Variants in CSNK1A1 observed in about 807,000 individuals in gnomAD.
The protein encoded by CSNK1A1 is casein kinase I isoform alpha.
Under a neutral mutation model 46.1 loss-of-function variants are expected in CSNK1A1, and 7 were observed. The ratio of observed to expected loss-of-function variants is 0.15; its 90% CI spans 0.09 to 0.29. The LOEUF is 0.29. Among genes scored for constraint, CSNK1A1 ranks in the 10% least tolerant of loss-of-function variants. The pLI is 1.00. For missense variants in CSNK1A1, 96 were observed against 417.1 expected (o/e 0.23, Z 6.71); for synonymous variants, 137 against 141.5 (o/e 0.97, Z 0.23).
chr5:149,545,543 G>T (rs1006774834), intron 2 of CSNK1A1: 1 of 670,128 alleles, frequency 1.5e-6, no homozygotes, highest in African/African-American at 1.8e-5. Context: ...CCAAGCTTGG[G>T]GTGGACAATG....
At chr5:149,501,760 GAACTT>G (rs1248854224) in intron 9 of CSNK1A1, 2 of 984,866 alleles carry the variant, frequency 2.0e-6, no homozygotes, top group East Asian at 1.1e-4. Context: ...AAGAAACACT[GAACTT>G]CATTAGATTT....
rs867813590 is a variant in CSNK1A1, at chr5:149,542,597, T to C, written c.230+7478A>G. The stretch of plus-strand genomic sequence containing the variant: ...CTCCGAAATGAGATACAAATTTATA[T>C]ATATATATATATATATATATATATA... On this transcript the variant is annotated intron_variant, in intron 2 of 9. Transcript: ENST00000377843. Among the ~76,000 whole-genome samples the C allele has an allele frequency of 3.7e-3, 12 of 3,248 alleles. No individual in the cohort carries two copies. In the East Asian group the frequency reaches 0.065, roughly 18 times the overall value. 2.1% of individuals were successfully genotyped at this position (3,248 alleles called of 152,430 possible). A position where few individuals can be genotyped will look rare whatever the true frequency, so the allele number is the denominator to read the frequency against.
At position 149,550,970 on chromosome 5, in the gene CSNK1A1, G is replaced by A. The variant is rs1379060083; in HGVS notation, c.-6C>T. 6.2e-7 allele frequency: 1 copy of A among 1,613,946 alleles called. No homozygotes were observed. The highest frequency in any genetic ancestry group is 8.5e-7 in the Non-Finnish European group (1 of 1,179,956). ...GAGCCGCTGCTACTCGCCATCCTGA[G>A]AGACGAAGATGGAGGCTGGGGCCAA... On this transcript the variant is annotated 5_prime_UTR_variant, in exon 1 of 10. Coordinates refer to ENST00000377843, the MANE Select transcript of CSNK1A1 (RefSeq NM_001892.6). This position sits in a 1 kb window ranked among gnomAD's most constrained non-coding sequence, Gnocchi z 4.3.
intron 9 of CSNK1A1, among the ~76,000 whole-genome samples, chr5:149,499,491 GT>G (rs1179096811): frequency 4.6e-5 from 7 of 152,136 alleles, no homozygotes; most frequent in African/African-American, 1.7e-4. Context: ...CCCAGACGAG[GT>G]GGCTCACATC....
chr5:149,531,160 G>A (rs534936909), intron 2 of CSNK1A1, among the ~76,000 whole-genome samples: 11 of 152,148 alleles, frequency 7.2e-5, no homozygotes, highest in Non-Finnish European at 1.5e-5. Flanking sequence ...TTCTCAGAAT[G>A]TTTTAAATGC....
At chr5:149,543,233 TA>T (rs1762359240) in intron 2 of CSNK1A1, among the ~76,000 whole-genome samples, 1 of 152,118 alleles carries the variant, frequency 6.6e-6, no homozygotes, top group South Asian at 2.1e-4. Context: ...GACCTTGACA[TA>T]AGGGTGATAA....
chr5:149,515,849 C>T (rs1761383872), intron 4 of CSNK1A1, among the ~76,000 whole-genome samples: 1 of 152,098 alleles, frequency 6.6e-6, no homozygotes, highest in African/African-American at 2.4e-5. Flanking sequence ...ATCAAATAAG[C>T]GTAAGATAAT....
intron 9 of CSNK1A1, chr5:149,497,541 A>T: frequency 2.0e-6 from 2 of 985,504 alleles, no homozygotes; most frequent in Non-Finnish European, 2.4e-6. Context: ...TAGGGCCTCT[A>T]CATAGGCCCT....
chr5:149,505,286 T>C, intron 9 of CSNK1A1, 161 bp downstream of exon 9: 1 of 1,414,864 alleles, frequency 7.1e-7, no homozygotes. Flanking sequence ...GGTTTAAAGT[T>C]AGTAGTCAAA....
In CSNK1A1 at chr5:149,525,233, C is replaced by A; in HGVS notation, c.231-62G>T. On this transcript the variant is annotated intron_variant, in intron 2 of 9. Transcript: ENST00000377843. This position sits in a 1 kb window ranked among gnomAD's most constrained non-coding sequence, Gnocchi z 4.2. ...AAGCTATTACTTAATATCATCAACCCTAAGAATAATATAGTTTTCTTTCAC... is the reference window on the plus strand; with the variant it reads ...AAGCTATTACTTAATATCATCAACCATAAGAATAATATAGTTTTCTTTCAC... 4 of 1,439,782 alleles carry A rather than the reference C, an allele frequency of 2.8e-6. No homozygotes were observed. Among genetic ancestry groups the A allele is most frequent in the East Asian group, 2.4e-5 (1 of 41,066 alleles). The allele number at this position is 1,439,782 out of a possible 1,614,324, so 89.2% of individuals were successfully genotyped here. A position where few individuals can be genotyped will look rare whatever the true frequency, so the allele number is the denominator to read the frequency against.
chr5:149,517,775 A>C lies in CSNK1A1; in HGVS notation c.456+2515T>G, dbSNP rs1761445309. 6.7e-7 allele frequency: 1 copy of C among 1,501,838 alleles called. No individual in the cohort carries two copies. The highest frequency in any genetic ancestry group is 9.2e-7 in the Non-Finnish European group (1 of 1,085,566). 93.0% of individuals were successfully genotyped at this position (1,501,838 alleles called of 1,614,324 possible). A position where few individuals can be genotyped will look rare whatever the true frequency, so the allele number is the denominator to read the frequency against. On this transcript the variant is annotated intron_variant, in intron 4 of 9. Transcript: ENST00000377843. This position sits in a 1 kb window ranked among gnomAD's most constrained non-coding sequence, Gnocchi z 4.4. ...ACATGAATTTGGGATTGAGGTTGGA[A>C]TAGGAGACAGTTTCAGACCTGGTTT...
intron 2 of CSNK1A1, among the ~76,000 whole-genome samples, chr5:149,549,032 G>A (rs181779741): frequency 6.6e-6 from 1 of 152,244 alleles, no homozygotes; most frequent in East Asian, 1.9e-4. Flanking sequence ...CCAAAGTAAA[G>A]TTAACCATTT....
intron 4 of CSNK1A1, among the ~76,000 whole-genome samples, chr5:149,513,726 T>C (rs1265998548): frequency 6.6e-6 from 1 of 151,818 alleles, no homozygotes; most frequent in Non-Finnish European, 1.5e-5. Flanking sequence ...CATGGCAAAG[T>C]CCCACCTCTA....
intron 6 of CSNK1A1, among the ~76,000 whole-genome samples, chr5:149,511,488 C>T (rs1424987699): frequency 6.6e-6 from 1 of 152,158 alleles, no homozygotes; most frequent in African/African-American, 2.4e-5. Flanking sequence ...AATGGCAACA[C>T]ATCAAAATGA....
At chr5:149,500,699 T>G (rs1360038469) in intron 9 of CSNK1A1, among the ~76,000 whole-genome samples, 1 of 151,954 alleles carries the variant, frequency 6.6e-6, no homozygotes, top group Non-Finnish European at 1.5e-5. Flanking sequence ...AATGCTGGGA[T>G]TATAGGAGTG....
At position 149,492,985 on chromosome 5, in the gene CSNK1A1, C is replaced by T. The variant is rs1472660175; in HGVS notation, c.*3868G>A. The T allele has an allele frequency of 3.3e-5, 5 of 152,224 alleles. No individual in the cohort carries two copies. The highest frequency in any genetic ancestry group is 3.8e-4 in the East Asian group (2 of 5,204). The allele number at this position is 152,224 out of a possible 1,614,324, so 9.4% of individuals were successfully genotyped here. Reference sequence around the variant, plus strand: ...TGGTATCTTATTCAGTGAGTTGTAACGTTGCTACCAGTTTATTTTGATAAT... The same window carrying T: ...TGGTATCTTATTCAGTGAGTTGTAATGTTGCTACCAGTTTATTTTGATAAT... On this transcript the variant is annotated 3_prime_UTR_variant, in exon 10 of 10. Coordinates refer to ENST00000377843, the MANE Select transcript of CSNK1A1 (RefSeq NM_001892.6).
chr5:149,503,192 T>G, intron 9 of CSNK1A1: 1 of 985,414 alleles, frequency 1.0e-6, no homozygotes, highest in South Asian at 4.7e-5. Context: ...CCAGAATTCC[T>G]AGGAGATTTC....
intron 9 of CSNK1A1, chr5:149,501,450 A>T: frequency 3.0e-6 from 3 of 985,480 alleles, no homozygotes; most frequent in Non-Finnish European, 3.6e-6. Flanking sequence ...GAACTCAGAA[A>T]AAGTCAAACT....
intron 2 of CSNK1A1, among the ~76,000 whole-genome samples, chr5:149,531,482 C>A (rs1761894905): frequency 6.6e-6 from 1 of 151,066 alleles, no homozygotes. Flanking sequence ...CACGCTATTG[C>A]ACTCCTGCCT....
Sources: gnomAD v4.1 joint callset for allele counts (sites outside exome capture counted in the v4.1 genomes callset) on GRCh38, gnomAD v4.1.1 for gene constraint, Gnocchi (gnomAD v3.1) non-coding constraint, MANE v1.5 for transcripts, NCBI Gene and HGNC (gene_info 2026-07-23, HGNC 2026-07-21) for gene names.